Variants in LMO7 observed in about 807,000 individuals in gnomAD.
LMO7 encodes the protein LIM domain only protein 7.
In LMO7, 120 loss-of-function variants were observed where a neutral mutation model predicts 206.5. The ratio of observed to expected loss-of-function variants is 0.58; its 90% CI spans 0.50 to 0.68. LMO7 has a LOEUF of 0.68. Ranked by LOEUF, LMO7 falls within the 30% of genes least tolerant of loss-of-function variation. The pLI is 0.00. For synonymous variants in LMO7, 706 were observed against 681.5 expected, an observed-to-expected ratio of 1.04 and a Z score of -0.56; for missense variants, 1,959 against 1,957.9, an observed-to-expected ratio of 1.00 and a Z score of -0.01.
At chr13:75,673,853 A>G (rs552946511) in intron 1 of LMO7, among the ~76,000 whole-genome samples, 31 of 152,280 alleles carry the variant, frequency 2.0e-4, no homozygotes, top group African/African-American at 7.2e-4. Flanking sequence ...AACTGTTACA[A>G]CCAGTTTTGT....
chr13:75,792,436 A>C (rs1023000085), intron 4 of LMO7, among the ~76,000 whole-genome samples: 3 of 152,218 alleles, frequency 2.0e-5, no homozygotes, highest in African/African-American at 4.8e-5. Flanking sequence ...CAGGCACTTA[A>C]ACATGGTATC....
chr13:75,729,418 GCT>G (rs1345724332), intron 3 of LMO7, among the ~76,000 whole-genome samples: 2 of 147,548 alleles, frequency 1.4e-5, no homozygotes, highest in East Asian at 4.0e-4. Flanking sequence ...TCATGATTTG[GCT>G]CTCTGTTTGT....
intron 2 of LMO7, among the ~76,000 whole-genome samples, chr13:75,719,182 G>A (rs1013338355): frequency 5.9e-5 from 9 of 152,054 alleles, no homozygotes; most frequent in Non-Finnish European, 1.5e-5. Flanking sequence ...GTTTCACCAT[G>A]TTGGCCAGGC....
chr13:75,718,932 T>C (rs915647482), intron 2 of LMO7, among the ~76,000 whole-genome samples: 1 of 152,010 alleles, frequency 6.6e-6, no homozygotes, highest in Non-Finnish European at 1.5e-5. Context: ...CTGAGTAATA[T>C]GCACTTACTT....
At chr13:75,834,155 G>A in intron 16 of LMO7, 71 bp from the exon 17 acceptor site, 1 of 1,176,462 alleles carries the variant, frequency 8.5e-7, no homozygotes. Flanking sequence ...TTTTTCTTAA[G>A]TTCAAAGCAG....
chr13:75,629,711 G>A (rs12427755), intron 2 of LMO7, among the ~76,000 whole-genome samples: 24,885 of 152,086 alleles, frequency 0.16, 2,495 homozygotes, highest in Admixed American at 0.29. Flanking sequence ...TGGGGAGTGT[G>A]TTGGTGGTTT....
intron 3 of LMO7, among the ~76,000 whole-genome samples, chr13:75,740,393 A>C (rs915862584): frequency 3.9e-5 from 6 of 152,370 alleles, no homozygotes; most frequent in Middle Eastern, 3.4e-3. Context: ...GTTTGAGGCT[A>C]CAATGAGCTA....
chr13:75,677,506 C>T (rs1371037464), intron 1 of LMO7, among the ~76,000 whole-genome samples: 1 of 152,096 alleles, frequency 6.6e-6, no homozygotes, highest in African/African-American at 2.4e-5. Flanking sequence ...TATGGAATGA[C>T]TAATACATGT....
At chr13:75,644,217 G>C (rs761186565) in intron 1 of LMO7, among the ~76,000 whole-genome samples, 1 of 152,078 alleles carries the variant, frequency 6.6e-6, no homozygotes, top group Non-Finnish European at 1.5e-5. Context: ...TGCATGACAT[G>C]TGGCAAGTGC....
chr13:75,799,817 A>G (rs574490118), intron 6 of LMO7, among the ~76,000 whole-genome samples: 12 of 152,336 alleles, frequency 7.9e-5, no homozygotes, highest in Middle Eastern at 3.4e-3. Context: ...TGGGCTTTGT[A>G]AATTTTACTC....
intron 1 of LMO7, among the ~76,000 whole-genome samples, chr13:75,638,828 A>T (rs1002061739): frequency 1.3e-5 from 2 of 152,090 alleles, no homozygotes; most frequent in Non-Finnish European, 2.9e-5. Context: ...CATCATCACA[A>T]CCTCTTTAAG....
chr13:75,698,186 A>G (rs1327426184), intron 1 of LMO7, among the ~76,000 whole-genome samples: 1 of 152,218 alleles, frequency 6.6e-6, no homozygotes, highest in Non-Finnish European at 1.5e-5. Context: ...AGGAGGAAAT[A>G]TCAGAATTTC....
chr13:75,637,178 G>C (rs557644888), intron 1 of LMO7, among the ~76,000 whole-genome samples: 34 of 151,896 alleles, frequency 2.2e-4, no homozygotes, highest in Admixed American at 6.6e-4. Flanking sequence ...CAGTGTGGAG[G>C]GGGGGAGCGG....
chr13:75,725,770 C>T (rs923630781), intron 2 of LMO7, among the ~76,000 whole-genome samples: 40 of 152,022 alleles, frequency 2.6e-4, no homozygotes, highest in African/African-American at 9.4e-4. Context: ...ACTAACTTGT[C>T]TAATGATCTT....
chr13:75,853,762 T>C (rs564787167), intron 28 of LMO7, among the ~76,000 whole-genome samples: 49 of 152,346 alleles, frequency 3.2e-4, no homozygotes, highest in Non-Finnish European at 6.3e-4. Context: ...AAATCAGTAT[T>C]GTCAAATAGC....
chr13:75,847,294 C>A (rs954261121), intron 26 of LMO7, among the ~76,000 whole-genome samples: 4 of 152,156 alleles, frequency 2.6e-5, no homozygotes, highest in Non-Finnish European at 5.9e-5. Context: ...GGGTGTTTTA[C>A]CCCAATCAGA....
chr13:75,793,901 A>G (rs2053633721), intron 4 of LMO7, among the ~76,000 whole-genome samples: 1 of 151,814 alleles, frequency 6.6e-6, no homozygotes, highest in South Asian at 2.1e-4. Context: ...TGTACTTTAT[A>G]TGAATGGAAT....
chr13:75,683,449 T>C (rs879836354), intron 1 of LMO7, among the ~76,000 whole-genome samples: 63 of 152,228 alleles, frequency 4.1e-4, no homozygotes, highest in African/African-American at 1.5e-3. Context: ...AGAAGTCCAG[T>C]TGTGTTCCAG....
intron 1 of LMO7, among the ~76,000 whole-genome samples, chr13:75,668,464 A>C (rs2039266154): frequency 6.6e-6 from 1 of 152,078 alleles, no homozygotes; most frequent in African/African-American, 2.4e-5. Flanking sequence ...GGCTGTCCTG[A>C]ACTCTGTCCT....
Sources: gnomAD v4.1 joint callset for allele counts (sites outside exome capture counted in the v4.1 genomes callset) on GRCh38, gnomAD v4.1.1 for gene constraint, MANE v1.5 for transcripts, NCBI Gene and HGNC (gene_info 2026-07-23, HGNC 2026-07-21) for gene names.